PCLO: variants seen among roughly 807,000 people sequenced by gnomAD.
The protein encoded by PCLO is piccolo presynaptic cytomatrix protein.
In PCLO, 82 loss-of-function variants were observed where a neutral mutation model predicts 427.5. The observed-to-expected ratio is 0.19, with a 90% CI of 0.16 to 0.23. The LOEUF (loss-of-function observed/expected upper bound fraction) is 0.23, where lower values mean the gene tolerates loss of function less well. Among genes scored for constraint, PCLO ranks in the 10% least tolerant of loss-of-function variants. The pLI, the probability that PCLO is intolerant of heterozygous loss-of-function variation, is 1.00. For missense variants in PCLO, 6,239 were observed against 6,115.9 expected (o/e 1.02, Z -0.67); for synonymous variants, 2,357 against 2,155.4 (o/e 1.09, Z -2.59).
At position 83,155,175 on chromosome 7, in the gene PCLO, G is replaced by A. The variant is rs1277859054; in HGVS notation, c.1466C>T (p.Pro489Leu). The change falls in exon 2 of 25, where the codon CCC becomes CTC. Residue 489 changes from proline (P) to leucine (L), a missense_variant. Coordinates refer to ENST00000333891, the MANE Select transcript of PCLO (RefSeq NM_033026.6). ...TGCTGAGCCAGGCTGTTGAGGTGGG[G>A]GCTTTGCTGGGCCAGGCTGTTGAGG... ...PPPQQPGPAK[P>L]PPQQPGSAKP... The A allele has an allele frequency of 6.3e-7, 1 of 1,592,104 alleles. No homozygotes were observed.
intron 10 of PCLO, among the ~76,000 whole-genome samples, chr7:82,856,508 T>C (rs574538603): frequency 1.3e-5 from 2 of 152,212 alleles, no homozygotes; most frequent in South Asian, 4.2e-4. Flanking sequence ...CTATGTGTTA[T>C]TTGGAACAGA....
chr7:83,145,905 A>G (rs1179176125), intron 2 of PCLO, among the ~76,000 whole-genome samples: 6 of 152,216 alleles, frequency 3.9e-5, no homozygotes, highest in African/African-American at 1.2e-4. Context: ...TTAAAATCTC[A>G]TATTTTCCAG....
At chr7:82,807,513 A>G (rs75560486) in intron 20 of PCLO, among the ~76,000 whole-genome samples, 2 of 152,304 alleles carry the variant, frequency 1.3e-5, no homozygotes, top group South Asian at 2.1e-4. Flanking sequence ...AGTGAAACAC[A>G]TAAACATTGT....
intron 3 of PCLO, among the ~76,000 whole-genome samples, chr7:82,968,870 C>T (rs887802361): frequency 1.3e-5 from 2 of 152,042 alleles, no homozygotes; most frequent in Non-Finnish European, 2.9e-5. Context: ...GCTGCATTAC[C>T]GTGCTGATTT....
chr7:83,057,409 T>G (rs1280118418), intron 3 of PCLO, among the ~76,000 whole-genome samples: 1 of 124,270 alleles, frequency 8.0e-6, no homozygotes, highest in Non-Finnish European at 1.6e-5. Flanking sequence ...TCACCCAGGC[T>G]GGAGTGCAGT....
At chr7:82,877,682 T>C (rs1290427185) in intron 10 of PCLO, among the ~76,000 whole-genome samples, 9 of 152,202 alleles carry the variant, frequency 5.9e-5, no homozygotes, top group Admixed American at 5.9e-4. Flanking sequence ...TATTTATTTA[T>C]GAGACAGAGT....
At chr7:82,976,371 C>T (rs1050301671) in intron 3 of PCLO, among the ~76,000 whole-genome samples, 10 of 152,148 alleles carry the variant, frequency 6.6e-5, no homozygotes, top group African/African-American at 2.4e-5. Flanking sequence ...CAGACTTAAG[C>T]TCCAGCAATC....
Position 82,874,087 on chromosome 7 carries a change from A to C in PCLO, c.13654+5250T>G, listed in dbSNP as rs373461380. ...CATGATTAATTACAAATAGTAGTGT[A>C]TAAACCGCACATATCGTTTTATTTG... On this transcript the variant is annotated intron_variant, in intron 10 of 24. Transcript: ENST00000333891. 1.4e-3 allele frequency among the ~76,000 whole-genome samples: 217 copies of C among 152,308 alleles called. 1 individual carries two copies. Among genetic ancestry groups the C allele is most frequent in the Admixed American group, 4.4e-3 (68 of 15,288 alleles).
intron 7 of PCLO, among the ~76,000 whole-genome samples, chr7:82,913,589 C>T (rs902520780): frequency 6.6e-6 from 1 of 151,866 alleles, no homozygotes; most frequent in African/African-American, 2.4e-5. Flanking sequence ...GTCATGAATC[C>T]TCTTGGTATG....
At chr7:82,987,248 T>C (rs1239927108) in intron 3 of PCLO, among the ~76,000 whole-genome samples, 1 of 151,960 alleles carries the variant, frequency 6.6e-6, no homozygotes, top group African/African-American at 2.4e-5. Flanking sequence ...TCTTCATATT[T>C]ATTGATTCTA....
chr7:82,952,895 A>T lies in PCLO; in HGVS notation c.8058T>A (p.Ala2686=), dbSNP rs1224112250. The change falls in exon 5 of 25, where the codon GCT becomes GCA. Residue 2686 remains alanine, a synonymous_variant. Transcript: ENST00000333891. ...KTEVSATRST[A]PSVGLSSISI... is the part of the protein sequence containing the mutation. Reference sequence around the variant, plus strand: ...AAATGCTGCTGAGACCAACACTAGGAGCTGTACTTCTGGTTGCTGAAACCT... The same window carrying T: ...AAATGCTGCTGAGACCAACACTAGGTGCTGTACTTCTGGTTGCTGAAACCT... 3.1e-6 allele frequency: 5 copies of T among 1,613,922 alleles called. No homozygotes were observed. The highest frequency in any genetic ancestry group is 4.2e-6 in the Non-Finnish European group (5 of 1,179,858).
rs1007055993 is a variant in PCLO, at chr7:82,896,407, T to C, written c.13528+6244A>G. Among the ~76,000 whole-genome samples, 6 of 151,810 alleles carry C rather than the reference T, an allele frequency of 4.0e-5. No individual in the cohort carries two copies. In the South Asian group the frequency reaches 8.3e-4, roughly 21 times the overall value. The stretch of plus-strand genomic sequence containing the variant: ...AGAAACCAGACACCAAAACTGTATA[T>C]TGAATGATCCAATTTATATGAAATG... On this transcript the variant is annotated intron_variant, in intron 9 of 24. Coordinates refer to ENST00000333891, the MANE Select transcript of PCLO (RefSeq NM_033026.6).
intron 3 of PCLO, among the ~76,000 whole-genome samples, chr7:83,084,182 C>T (rs1790173494): frequency 6.6e-6 from 1 of 151,874 alleles, no homozygotes; most frequent in South Asian, 2.1e-4. Flanking sequence ...TGAGCTGATA[C>T]CATAGTAACT....
chr7:82,935,516 C>CA (rs1417506841), intron 6 of PCLO, among the ~76,000 whole-genome samples: 3 of 151,036 alleles, frequency 2.0e-5, no homozygotes, highest in East Asian at 1.9e-4. Context: ...AAAAAAGCAA[C>CA]AAAAAACCTC....
At chr7:82,998,603 T>A (rs1583887414) in intron 3 of PCLO, among the ~76,000 whole-genome samples, 1 of 151,890 alleles carries the variant, frequency 6.6e-6, no homozygotes, top group Non-Finnish European at 1.5e-5. Context: ...GAATGTGGAC[T>A]GAGAAACATG....
chr7:82,891,415 T>C (rs1477029746), intron 9 of PCLO, among the ~76,000 whole-genome samples: 3 of 152,170 alleles, frequency 2.0e-5, no homozygotes, highest in Admixed American at 1.3e-4. Flanking sequence ...AAGTTGCTTA[T>C]CAGCTTAAGG....
intron 3 of PCLO, among the ~76,000 whole-genome samples, chr7:83,060,840 A>G (rs896347525): frequency 6.6e-6 from 1 of 152,160 alleles, no homozygotes; most frequent in Non-Finnish European, 1.5e-5. Context: ...AAAGATTATT[A>G]CTTTCTGATG....
chr7:83,116,586 C>T (rs562789484), intron 3 of PCLO, among the ~76,000 whole-genome samples: 21 of 152,260 alleles, frequency 1.4e-4, no homozygotes, highest in Non-Finnish European at 2.6e-4. Context: ...GAAATGACTA[C>T]ATCTAGGTAA....
intron 3 of PCLO, among the ~76,000 whole-genome samples, chr7:82,993,475 A>G (rs1449303063): frequency 2.0e-5 from 3 of 152,018 alleles, no homozygotes; most frequent in African/African-American, 4.8e-5. Flanking sequence ...GCCACTTATT[A>G]GTAGTTTAAT....
Sources: gnomAD v4.1 joint callset for allele counts (sites outside exome capture counted in the v4.1 genomes callset) on GRCh38, gnomAD v4.1.1 for gene constraint, MANE v1.5 for transcripts, NCBI Gene and HGNC (gene_info 2026-07-23, HGNC 2026-07-21) for gene names.